The following CFAP161 variants were observed in gnomAD, a reference collection of about 807,000 sequenced individuals.
CFAP161 encodes cilia- and flagella-associated protein 161.
A neutral mutation model predicts 29.0 loss-of-function variants in CFAP161; 25 were observed. That is an observed-to-expected ratio of 0.86 (90% CI 0.63 to 1.20). CFAP161 has a LOEUF of 1.20. CFAP161 is among the 50% of genes most tolerant of loss of function. The pLI, the probability that CFAP161 is intolerant of heterozygous loss-of-function variation, is 0.00. For missense variants in CFAP161, 367 were observed against 371.9 expected (o/e 0.99, Z 0.11); for synonymous variants, 116 against 137.4 (o/e 0.84, Z 1.09).
chr15:81,107,921 C>G (rs963172697), intron 1 of CFAP161, among the ~76,000 whole-genome samples: 3 of 150,208 alleles, frequency 2.0e-5, no homozygotes, highest in Admixed American at 2.0e-4. Context: ...CCTCTTATCA[C>G]ATTTTTTTTT....
At chr15:81,105,120 CA>C (rs1567149831) in intron 1 of CFAP161, among the ~76,000 whole-genome samples, 1 of 22,226 alleles carries the variant, frequency 4.5e-5, no homozygotes, top group Non-Finnish European at 1.4e-4. Context: ...CTTTCTCCCC[CA>C]TACCTTTCTC....
chr15:81,122,259 T>C (rs1405302425), intron 1 of CFAP161, among the ~76,000 whole-genome samples: 1 of 152,204 alleles, frequency 6.6e-6, no homozygotes, highest in Admixed American at 6.5e-5. Context: ...AAATGGTATT[T>C]CTGTCTTTAG....
chr15:81,119,216 C>G (rs1232490896), intron 1 of CFAP161, among the ~76,000 whole-genome samples: 1 of 152,104 alleles, frequency 6.6e-6, no homozygotes, highest in African/African-American at 2.4e-5. Context: ...TTATAGATGA[C>G]AAAAACTTAG....
At chr15:81,123,633 AT>A (rs1894603707) in intron 1 of CFAP161, among the ~76,000 whole-genome samples, 1 of 152,184 alleles carries the variant, frequency 6.6e-6, no homozygotes, top group African/African-American at 2.4e-5. Flanking sequence ...TGTAGGCAGT[AT>A]GGCCATTTTG....
intron 4 of CFAP161, among the ~76,000 whole-genome samples, chr15:81,142,756 C>G (rs2141883841): frequency 6.6e-6 from 1 of 152,300 alleles, no homozygotes; most frequent in Middle Eastern, 3.4e-3. Flanking sequence ...CAGAAACTAC[C>G]TCCACATTCA....
intron 4 of CFAP161, among the ~76,000 whole-genome samples, chr15:81,138,465 T>A (rs12439698): frequency 0.12 from 18,984 of 152,302 alleles, 1,703 homozygotes; most frequent in East Asian, 0.41. Context: ...ATCTGATACC[T>A]GTCAAATGTT....
chr15:81,146,831 A>AAT (rs3086710), intron 5 of CFAP161, among the ~76,000 whole-genome samples: 1,341 of 69,618 alleles, frequency 0.019, 43 homozygotes, highest in Non-Finnish European at 0.034. Context: ...GATAGCTACA[A>AAT]ATATATATAT....
intron 4 of CFAP161, among the ~76,000 whole-genome samples, chr15:81,140,002 T>C (rs1894879451): frequency 6.6e-6 from 1 of 152,120 alleles, no homozygotes; most frequent in African/African-American, 2.4e-5. Context: ...TTCTCCTATA[T>C]TTTAAGTTTG....
chr15:81,133,176 C>CATATATAT (rs141326043), upstream of CFAP161, among the ~76,000 whole-genome samples: 46 of 60,970 alleles, frequency 7.5e-4, no homozygotes, highest in Admixed American at 1.1e-3. Context: ...CCTTCATCAG[C>CATATATAT]ATATATATAT....
intron 1 of CFAP161, among the ~76,000 whole-genome samples, chr15:81,107,086 G>A (rs1894381734): frequency 6.6e-6 from 1 of 152,072 alleles, no homozygotes. Context: ...CAAAAAACAA[G>A]CCCAATGCGA....
chr15:81,144,430 T>C (rs994207935), intron 5 of CFAP161, among the ~76,000 whole-genome samples: 13 of 152,076 alleles, frequency 8.5e-5, no homozygotes, highest in Non-Finnish European at 1.6e-4. Flanking sequence ...CCCCTGTCTC[T>C]ACAAAAAATA....
intron 5 of CFAP161, among the ~76,000 whole-genome samples, chr15:81,145,913 G>A (rs933292358): frequency 1.3e-5 from 2 of 152,164 alleles, no homozygotes; most frequent in African/African-American, 2.4e-5. Flanking sequence ...CAGGAAGTGG[G>A]GGATAACTCT....
intron 3 of CFAP161, among the ~76,000 whole-genome samples, chr15:81,137,381 G>T (rs1894828953): frequency 6.6e-6 from 1 of 152,162 alleles, no homozygotes; most frequent in South Asian, 2.1e-4. Context: ...GATCACCTGA[G>T]GTCTGGAGTT....
At chr15:81,130,901 A>T (rs914794974), upstream of CFAP161, among the ~76,000 whole-genome samples, 11 of 152,242 alleles carry the variant, frequency 7.2e-5, no homozygotes, top group Admixed American at 6.5e-4. Context: ...CCTAACATTT[A>T]TTGATTGGAT....
chr15:81,118,304 C>A, intron 1 of CFAP161: 1 of 492,282 alleles, frequency 2.0e-6, no homozygotes, highest in South Asian at 1.9e-5. Flanking sequence ...ATTTTCCAGT[C>A]ATTTGATTTG....
chr15:81,125,461 C>G (rs1465307346), intron 1 of CFAP161, among the ~76,000 whole-genome samples: 1 of 152,128 alleles, frequency 6.6e-6, no homozygotes, highest in African/African-American at 2.4e-5. Flanking sequence ...AACTTTGTGT[C>G]AAACCCCTAT....
intron 1 of CFAP161, among the ~76,000 whole-genome samples, chr15:81,104,492 G>A (rs143577605): frequency 3.9e-5 from 6 of 152,328 alleles, no homozygotes; most frequent in African/African-American, 1.4e-4. Context: ...TGCAAGGAAG[G>A]TATCCTCTCC....
chr15:81,117,666 T>A, intron 1 of CFAP161: 1 of 282,162 alleles, frequency 3.5e-6, no homozygotes. Context: ...TGTTTCTCTC[T>A]TCCTGTTTTC....
At chr15:81,121,864 C>G (rs1894577932) in intron 1 of CFAP161, among the ~76,000 whole-genome samples, 1 of 152,214 alleles carries the variant, frequency 6.6e-6, no homozygotes, top group South Asian at 2.1e-4. Flanking sequence ...TCTCCCTCCT[C>G]CCACCTTCCA....
Sources: allele counts gnomAD v4.1 joint callset (sites outside exome capture counted in the v4.1 genomes callset), GRCh38; gene constraint gnomAD v4.1.1; transcripts MANE v1.5; gene names NCBI Gene and HGNC (gene_info 2026-07-23, HGNC 2026-07-21).